The following KIF13A variants were observed in gnomAD, a reference collection of about 807,000 sequenced individuals.
KIF13A encodes the protein kinesin family member 13A, also known as kinesin-like protein KIF13A.
Under a neutral mutation model 212.2 loss-of-function variants are expected in KIF13A, and 79 were observed. The ratio of observed to expected loss-of-function variants is 0.37; its 90% confidence interval spans 0.31 to 0.45. KIF13A has a LOEUF of 0.45. Ranked by LOEUF, KIF13A falls within the 20% of genes least tolerant of loss-of-function variation. The pLI is 1.00. For synonymous variants in KIF13A, 789 were observed against 808.6 expected, an observed-to-expected ratio of 0.98 and a Z score of 0.41; for missense variants, 1,901 against 2,209.0, an observed-to-expected ratio of 0.86 and a Z score of 2.79.
chr6:17,775,296 A>G (rs1759855197), intron 34 of KIF13A, among the ~76,000 whole-genome samples: 1 of 152,160 alleles, frequency 6.6e-6, no homozygotes, highest in South Asian at 2.1e-4. Flanking sequence ...ATTATTTTGC[A>G]TATTTTATGC....
intron 31 of KIF13A, 144 bp from the exon 32 acceptor site, chr6:17,779,828 C>G (rs1013372820): frequency 4.5e-6 from 2 of 439,774 alleles, no homozygotes; most frequent in Non-Finnish European, 8.3e-6. Flanking sequence ...CAGGCTCCGC[C>G]CCCTGGGGTT....
chr6:17,780,656 C>T, intron 31 of KIF13A, 74 bp downstream of exon 31: 1 of 1,415,530 alleles, frequency 7.1e-7, no homozygotes, highest in Admixed American at 1.8e-5. Context: ...CCAAAAAACA[C>T]TGCTTTGTGA....
At chr6:17,954,854 T>A (rs1002774042) in intron 2 of KIF13A, among the ~76,000 whole-genome samples, 6 of 151,882 alleles carry the variant, frequency 4.0e-5, no homozygotes, top group South Asian at 2.1e-4. Context: ...AGAAAAAAAA[T>A]TTTTTTAAGA....
chr6:17,798,367 A>C (rs1046883899), intron 22 of KIF13A, among the ~76,000 whole-genome samples: 1 of 152,220 alleles, frequency 6.6e-6, no homozygotes, highest in Non-Finnish European at 1.5e-5. Flanking sequence ...GATTCAAAGA[A>C]AGATGGGGAA....
intron 2 of KIF13A, among the ~76,000 whole-genome samples, chr6:17,922,182 C>T (rs1352299461): frequency 1.3e-5 from 2 of 152,170 alleles, no homozygotes; most frequent in African/African-American, 4.8e-5. Context: ...AGGTCAACAG[C>T]TAACAGCCCC....
chr6:17,765,568 T>C (rs1238582519), intron 38 of KIF13A, among the ~76,000 whole-genome samples: 3 of 152,198 alleles, frequency 2.0e-5, no homozygotes, highest in African/African-American at 7.2e-5. Flanking sequence ...AATTACGGTC[T>C]TCTAGGATTT....
chr6:17,846,041 CT>C (rs34232861), intron 9 of KIF13A, among the ~76,000 whole-genome samples: 53 of 83,254 alleles, frequency 6.4e-4, no homozygotes, highest in East Asian at 2.1e-3. Context: ...GGAACTCAAC[CT>C]TTTTTTTTTT....
chr6:17,937,981 C>T (rs1268817410), intron 2 of KIF13A, among the ~76,000 whole-genome samples: 1 of 152,160 alleles, frequency 6.6e-6, no homozygotes, highest in Non-Finnish European at 1.5e-5. Context: ...CTCCTGACCT[C>T]AGGTAATCCA....
Position 17,800,046 on chromosome 6 carries a change from T to G in KIF13A, c.2522A>C (p.Asp841Ala), listed in dbSNP as rs1194880481. 1.9e-6 allele frequency: 3 copies of G among 1,613,992 alleles called. 1 individual carries two copies. Among genetic ancestry groups the G allele is most frequent in the Non-Finnish European group, 2.5e-6 (3 of 1,179,890 alleles). ...TGAVPERVVE[D>A]DSSENSSESG... ...TTCACTGGAATTCTCCGAAGAGTCA[T>G]CCTCCACCACACGCTCTGGAACAGC... The change falls in exon 21 of 39, where the codon GAT (aspartate) becomes GCT (alanine). Residue 841 changes from aspartate to alanine, a missense_variant. Asp to Ala is a moderately radical substitution (Grantham distance 126). Transcript: ENST00000259711.
rs1046410946 is a variant in KIF13A, at chr6:17,926,575, A to C, written c.147-28395T>G. Among the ~76,000 whole-genome samples, 13 of 152,050 alleles carry C rather than the reference A, an allele frequency of 8.5e-5. No individual in the cohort carries two copies. Among genetic ancestry groups the C allele is most frequent in the Admixed American group, 5.2e-4 (8 of 15,256 alleles). Reference sequence around the variant, plus strand: ...AACACATGTAGGAGGTTTTTCTGATATTTAGAACAAAGTTTCACCAGCTGC... The same window carrying C: ...AACACATGTAGGAGGTTTTTCTGATCTTTAGAACAAAGTTTCACCAGCTGC... On this transcript the variant is annotated intron_variant, in intron 2 of 38. Transcript: ENST00000259711. The surrounding 1 kb of genome is among the most constrained non-coding windows in gnomAD (Gnocchi z 4.3).
intron 11 of KIF13A, among the ~76,000 whole-genome samples, chr6:17,835,448 A>AT (rs1338908167): frequency 6.6e-6 from 1 of 152,092 alleles, no homozygotes; most frequent in Non-Finnish European, 1.5e-5. Context: ...CAGCATTTTT[A>AT]TTTTTCTGGT....
chr6:17,831,296 T>A, intron 12 of KIF13A, 61 bp from the exon 13 acceptor site: 1 of 1,567,442 alleles, frequency 6.4e-7, no homozygotes, highest in Non-Finnish European at 8.6e-7. Context: ...ACAAGATGTA[T>A]CCACGGAAAG....
Position 17,799,510 on chromosome 6 carries a change from T to C in KIF13A, c.2617-71A>G. On this transcript the variant is annotated intron_variant, in intron 21 of 38. Coordinates refer to ENST00000259711, the MANE Select transcript of KIF13A (RefSeq NM_022113.6). This position sits in a 1 kb window ranked among gnomAD's most constrained non-coding sequence, Gnocchi z 4.4. ...ATTCTTTCATTTCAGCTACCTCAAA[T>C]TTAAGAGTAAGCGATGAAACAAATT... 1 of 1,270,960 alleles carries C rather than the reference T, an allele frequency of 7.9e-7. No homozygotes were observed. Among genetic ancestry groups the C allele is most frequent in the Non-Finnish European group, 1.1e-6 (1 of 937,866 alleles). The allele number at this position is 1,270,960 out of a possible 1,614,324, so 78.7% of individuals were successfully genotyped here.
chr6:17,802,200 C>T (rs1450182323), intron 20 of KIF13A, among the ~76,000 whole-genome samples: 1 of 151,504 alleles, frequency 6.6e-6, no homozygotes, highest in Non-Finnish European at 1.5e-5. Context: ...AGAAATTACT[C>T]GATGATATCT....
At chr6:17,859,551 C>G (rs1768497653) in intron 4 of KIF13A, among the ~76,000 whole-genome samples, 1 of 148,998 alleles carries the variant, frequency 6.7e-6, no homozygotes, top group South Asian at 2.1e-4. Flanking sequence ...AACTTGTATT[C>G]TTTTATTATT....
Position 17,968,686 on chromosome 6 carries a change from T to C in KIF13A, c.146+18368A>G, listed in dbSNP as rs1779539523. Among the ~76,000 whole-genome samples the C allele has an allele frequency of 6.6e-6, 1 of 152,184 alleles. No homozygotes were observed. Among genetic ancestry groups the C allele is most frequent in the Admixed American group, 6.5e-5 (1 of 15,282 alleles). ...ACCAACCATTACTTATCTCATGTAG[T>C]CCTAAGCAGCTACAGCCTCTGCCTG... On this transcript the variant is annotated intron_variant, in intron 2 of 38. Transcript: ENST00000259711. The surrounding 1 kb of genome is among the most constrained non-coding windows in gnomAD (Gnocchi z 4.7).
intron 12 of KIF13A, among the ~76,000 whole-genome samples, chr6:17,831,694 C>G (rs916391141): frequency 6.8e-6 from 1 of 147,360 alleles, no homozygotes; most frequent in Non-Finnish European, 1.5e-5. Flanking sequence ...TACGGAAGCA[C>G]ACTAAAGAAA....
At chr6:17,924,834 C>A (rs1316113341) in intron 2 of KIF13A, among the ~76,000 whole-genome samples, 1 of 152,158 alleles carries the variant, frequency 6.6e-6, no homozygotes, top group Non-Finnish European at 1.5e-5. Flanking sequence ...ACAATATTTT[C>A]TTTTATTAGT....
downstream of KIF13A, among the ~76,000 whole-genome samples, chr6:17,761,680 G>A (rs1044931795): frequency 2.6e-5 from 4 of 152,122 alleles, no homozygotes; most frequent in African/African-American, 9.7e-5. Flanking sequence ...ACTGCGCTCC[G>A]CTAAAAACTC....
Sources: allele counts gnomAD v4.1 joint callset (sites outside exome capture counted in the v4.1 genomes callset), GRCh38; gene constraint gnomAD v4.1.1; non-coding constraint Gnocchi (gnomAD v3.1); transcripts MANE v1.5; gene names NCBI Gene and HGNC (gene_info 2026-07-23, HGNC 2026-07-21).